The following NXPE2 variants were observed in gnomAD, a reference collection of about 807,000 sequenced individuals.
The protein encoded by NXPE2 is NXPE family member 2.
A neutral mutation model predicts 34.4 loss-of-function variants in NXPE2; 34 were observed. The ratio of observed to expected loss-of-function variants is 0.99; its 90% CI spans 0.75 to 1.31. The LOEUF is 1.31. NXPE2 is among the 40% of genes most tolerant of loss of function. The pLI, the probability that NXPE2 is intolerant of heterozygous loss-of-function variation, is 0.00. For synonymous variants in NXPE2, 235 were observed against 231.3 expected (o/e 1.02, Z -0.15); for missense variants, 649 against 672.5 (o/e 0.97, Z 0.39).
At chr11:114,510,190 T>TTTAGATA in the NXPE2 span, among the ~76,000 whole-genome samples, 1 of 152,172 alleles carries the variant, frequency 6.6e-6, no homozygotes, top group East Asian at 1.9e-4. Context: ...TGAATACATT[T>TTTAGATA]TTAGATATGC....
the NXPE2 span, among the ~76,000 whole-genome samples, chr11:114,549,312 C>T: frequency 6.6e-6 from 1 of 151,950 alleles, no homozygotes; most frequent in South Asian, 2.1e-4. Flanking sequence ...AATATTGTAC[C>T]AAGAACTTTA....
chr11:114,553,699 T>C, the NXPE2 span: 1 of 984,760 alleles, frequency 1.0e-6, no homozygotes, highest in Non-Finnish European at 1.2e-6. Context: ...TAGATTCTAC[T>C]CCTTAGCTTG....
the NXPE2 span, among the ~76,000 whole-genome samples, chr11:114,609,973 G>C: frequency 2.0e-5 from 3 of 149,008 alleles, no homozygotes; most frequent in Admixed American, 1.3e-4. Context: ...GTGGATAATA[G>C]TTGTTGCCTC....
At chr11:114,741,340 A>G in the NXPE2 span, among the ~76,000 whole-genome samples, 1 of 152,170 alleles carries the variant, frequency 6.6e-6, no homozygotes, top group Non-Finnish European at 1.5e-5. Context: ...TTCAAGCTTC[A>G]TATACCTGTA....
chr11:114,469,304 G>A, the NXPE2 span, among the ~76,000 whole-genome samples: 1 of 151,024 alleles, frequency 6.6e-6, no homozygotes, highest in Non-Finnish European at 1.5e-5. Flanking sequence ...TAGTAGAGAC[G>A]GGGTTTCACC....
chr11:114,773,826 CTT>C, the NXPE2 span, among the ~76,000 whole-genome samples: 1 of 152,252 alleles, frequency 6.6e-6, no homozygotes, highest in Non-Finnish European at 1.5e-5. Context: ...TTAGACATCT[CTT>C]GTCTGCTCCT....
the NXPE2 span, among the ~76,000 whole-genome samples, chr11:114,598,999 C>T: frequency 6.6e-6 from 1 of 152,178 alleles, no homozygotes; most frequent in African/African-American, 2.4e-5. Flanking sequence ...ACCATATGGC[C>T]AGGCTGCAAA....
At chr11:114,763,843 G>T in the NXPE2 span, among the ~76,000 whole-genome samples, 2 of 152,146 alleles carry the variant, frequency 1.3e-5, no homozygotes, top group Non-Finnish European at 2.9e-5. Flanking sequence ...ATTTTTGGTA[G>T]GGTATGAAGA....
the NXPE2 span, among the ~76,000 whole-genome samples, chr11:114,546,655 A>G: frequency 1.6e-3 from 244 of 152,126 alleles, no homozygotes; most frequent in African/African-American, 5.5e-3. Context: ...ACACCCCAAT[A>G]GTAACAAACA....
At chr11:114,801,488 T>G in the NXPE2 span, among the ~76,000 whole-genome samples, 3 of 152,148 alleles carry the variant, frequency 2.0e-5, no homozygotes, top group Non-Finnish European at 4.4e-5. Context: ...AGCCTGGATT[T>G]TATTAATTAT....
the NXPE2 span, among the ~76,000 whole-genome samples, chr11:114,599,537 G>T: frequency 6.6e-6 from 1 of 152,128 alleles, no homozygotes; most frequent in Admixed American, 6.6e-5. Flanking sequence ...AAATATTTGA[G>T]ACTGGGTAAT....
At chr11:114,678,361 G>A, upstream of NXPE2, 1 of 449,844 alleles carries the variant, frequency 2.2e-6, no homozygotes, top group Admixed American at 3.8e-5. Flanking sequence ...GCTTCCTCAT[G>A]GCTTTTTCCT....
At chr11:114,554,085 C>T in the NXPE2 span, 2 of 985,330 alleles carry the variant, frequency 2.0e-6, no homozygotes, top group Non-Finnish European at 2.4e-6. Context: ...AACTTGGCCA[C>T]TATCTGACTC....
At chr11:114,629,712 G>A in the NXPE2 span, among the ~76,000 whole-genome samples, 1 of 151,832 alleles carries the variant, frequency 6.6e-6, no homozygotes, top group Non-Finnish European at 1.5e-5. Flanking sequence ...ATTCAATTAG[G>A]AAAAGAGGAA....
At position 114,698,348 on chromosome 11, in the gene NXPE2, G is replaced by A. The variant is rs868130306; in HGVS notation, c.436G>A (p.Gly146Ser). ...RDHLGHRKQY[G>S]GDFLRARMYS... The stretch of plus-strand genomic sequence containing the variant: ...CCACTTGGGACACAGGAAGCAATAT[G>A]GTGGGGATTTCCTGAGGGCCAGGAT... Residue 146 changes from glycine (G) to serine (S), a missense_variant, in exon 3 of 6, where the codon GGT becomes AGT. Coordinates refer to ENST00000389586, the MANE Select transcript of NXPE2 (RefSeq NM_182495.6). 2 of 1,613,834 alleles carry A rather than the reference G, an allele frequency of 1.2e-6. No homozygotes were observed. Among genetic ancestry groups the A allele is most frequent in the Admixed American group, 1.7e-5 (1 of 59,982 alleles).
the NXPE2 span, among the ~76,000 whole-genome samples, chr11:114,732,441 C>T: frequency 4.6e-5 from 7 of 152,224 alleles, no homozygotes; most frequent in Non-Finnish European, 1.0e-4. Flanking sequence ...TGCTTTCTCA[C>T]AAGTGTCCCT....
At chr11:114,809,367 G>T in the NXPE2 span, among the ~76,000 whole-genome samples, 7 of 151,712 alleles carry the variant, frequency 4.6e-5, no homozygotes, top group East Asian at 1.9e-4. Flanking sequence ...GAGAAGGAAA[G>T]AAAGGGTATT....
At chr11:114,810,253 G>C in the NXPE2 span, among the ~76,000 whole-genome samples, 7 of 150,720 alleles carry the variant, frequency 4.6e-5, no homozygotes. Context: ...AGAAAACCTA[G>C]GCAATACCAT....
At chr11:114,639,590 G>C in the NXPE2 span, among the ~76,000 whole-genome samples, 1 of 149,678 alleles carries the variant, frequency 6.7e-6, no homozygotes, top group South Asian at 2.1e-4. Context: ...GACTGGAGCT[G>C]TTCCTATTCG....
Sources: allele counts gnomAD v4.1 joint callset (sites outside exome capture counted in the v4.1 genomes callset), GRCh38; gene constraint gnomAD v4.1.1; transcripts MANE v1.5; gene names NCBI Gene and HGNC (gene_info 2026-07-23, HGNC 2026-07-21).